Variants in SPINK5 observed in about 807,000 individuals in gnomAD.
SPINK5 encodes the protein serine protease inhibitor Kazal-type 5.
SPINK5 carries 125 observed loss-of-function variants against 151.8 expected under a neutral mutation model. That is an observed-to-expected ratio of 0.82 (90% confidence interval 0.71 to 0.96). SPINK5 has a LOEUF of 0.96. Among genes scored for constraint, SPINK5 ranks in the 40% least tolerant of loss-of-function variants. SPINK5 has a pLI of 0.00. For missense variants in SPINK5, 1,194 were observed against 1,291.9 expected (o/e 0.92, Z 1.16); for synonymous variants, 374 against 395.3 (o/e 0.95, Z 0.64).
At chr5:148,113,721 T>C (rs73271138) in intron 20 of SPINK5, among the ~76,000 whole-genome samples, 1,985 of 140,944 alleles carry the variant, frequency 0.014, 48 homozygotes, top group African/African-American at 0.05. Context: ...ACAGTTGTAT[T>C]GCACAGTTGT....
chr5:148,084,303 G>A (rs941549402), intron 4 of SPINK5, among the ~76,000 whole-genome samples: 5 of 151,194 alleles, frequency 3.3e-5, no homozygotes, highest in African/African-American at 1.2e-4. Context: ...AAAGAGATAA[G>A]ACCCAGTGCT....
intron 4 of SPINK5, among the ~76,000 whole-genome samples, chr5:148,075,971 T>C (rs115493289): frequency 0.014 from 2,196 of 151,890 alleles, 42 homozygotes; most frequent in African/African-American, 0.05. Context: ...CAGTCATAAT[T>C]GAAGCAAGTG....
At chr5:148,095,653 T>C (rs1753435361) in intron 9 of SPINK5, among the ~76,000 whole-genome samples, 165 bp from the exon 10 acceptor site, 1 of 151,916 alleles carries the variant, frequency 6.6e-6, no homozygotes, top group Non-Finnish European at 1.5e-5. Flanking sequence ...TGGAAGTAAA[T>C]GGTATAAAGG....
rs778058479 is a variant in SPINK5 at position 148,124,873 on chromosome 5, C to G, written c.2739+36C>G. 3.9e-6 allele frequency: 6 copies of G among 1,540,896 alleles called. No homozygotes were observed. The East Asian group carries it at 1.2e-4, about 30-fold the overall frequency. ...AAAGGATACCAAAATAACCATTTTA[C>G]TTTTCACCTTCAGAATTTTGCATTC... On this transcript the variant is annotated intron_variant, in intron 28 of 32. Coordinates refer to ENST00000256084, the MANE Select transcript of SPINK5 (RefSeq NM_006846.4).
Position 148,072,023 on chromosome 5 carries a change from T to A in SPINK5, c.210-125T>A, listed in dbSNP as rs564326959. The A allele has an allele frequency of 7.2e-6, 6 of 829,078 alleles. No homozygotes were observed. In the African/African-American group the frequency reaches 1.0e-4, roughly 14 times the overall value. 51.4% of individuals were successfully genotyped at this position (829,078 alleles called of 1,614,324 possible). ...GTTCTGTGTCCACTTCTGAACATGC[T>A]ACCAATTTTGACATGCCAGGCTAGG... On this transcript the variant is annotated intron_variant, in intron 3 of 32. Transcript: ENST00000256084.
chr5:148,091,505 G>A (rs1190709836), intron 8 of SPINK5, among the ~76,000 whole-genome samples: 2 of 151,720 alleles, frequency 1.3e-5, no homozygotes, highest in African/African-American at 4.8e-5. Context: ...TAGAAAGTTT[G>A]TATAAACCAA....
Position 148,099,314 on chromosome 5 carries a change from C to T in SPINK5, c.1091C>T (p.Ala364Val), listed in dbSNP as rs1273377657. 8 of 1,611,442 alleles carry T rather than the reference C, an allele frequency of 5.0e-6. No individual in the cohort carries two copies. Among genetic ancestry groups the T allele is most frequent in the Non-Finnish European group, 5.9e-6 (7 of 1,178,452 alleles). ...GAATCTGGAAAAGCAACCTCATATG[C>T]AGTGAGTGGAATCCATCCAATAAAT... ...KRESGKATSY[A>V]ELCSEYRKLV... Residue 364 changes from alanine to valine, a missense_variant and splice_region_variant, in exon 12 of 33, where the codon GCA becomes GTA. Coordinates refer to ENST00000256084, the MANE Select transcript of SPINK5 (RefSeq NM_006846.4).
Position 148,124,793 on chromosome 5 carries a change from A to G in SPINK5, c.2695A>G (p.Lys899Glu), listed in dbSNP as rs1412263020. ...TCGAGAAGCTAATGAAAGAAAAAAG[A>G]AAGATGAAGAGAAATCAAGTAGCAA... Reference protein sequence around the residue: ...FDREANERKKKDEEKSSSKPS... With the variant: ...FDREANERKKEDEEKSSSKPS... The change falls in exon 28 of 33, where the codon AAA (lysine) becomes GAA (glutamate). Residue 899 changes from lysine to glutamate, a missense_variant. By Grantham distance (56) the Lys-to-Glu change is moderately conservative. Coordinates refer to ENST00000256084, the MANE Select transcript of SPINK5 (RefSeq NM_006846.4). 1 of 1,608,420 alleles carries G rather than the reference A, an allele frequency of 6.2e-7. No individual in the cohort carries two copies.
rs543479765 is a variant in SPINK5, at chr5:148,131,003, G to T, written c.2965-256G>T. On this transcript the variant is annotated intron_variant, in intron 30 of 32. Transcript: ENST00000256084. ...GGTAATTGTGTCACATATTATAAAG[G>T]ATATTTGCTTTCTTATTGCTTTGCT... is the stretch of plus-strand genomic sequence containing the variant. 2.8e-4 allele frequency among the ~76,000 whole-genome samples: 42 copies of T among 152,192 alleles called. 1 individual carries two copies. Among genetic ancestry groups the T allele is most frequent in the Admixed American group, 2.7e-3 (42 of 15,280 alleles).
chr5:148,087,646 C>T (rs1243036190), intron 5 of SPINK5, among the ~76,000 whole-genome samples: 1 of 151,728 alleles, frequency 6.6e-6, no homozygotes, highest in East Asian at 1.9e-4. Flanking sequence ...TATGAGCATG[C>T]TATATATTTA....
At chr5:148,131,137 A>G (rs1754559149) in intron 30 of SPINK5, 122 bp from the exon 31 acceptor site, 1 of 1,304,550 alleles carries the variant, frequency 7.7e-7, no homozygotes, top group South Asian at 1.2e-5. Context: ...TGAATAACAT[A>G]TATCACACTC....
chr5:148,086,512 T>G lies in SPINK5; in HGVS notation c.390T>G (p.Cys130Trp). The change falls in exon 5 of 33, where the codon TGT becomes TGG. Residue 130 changes from cysteine to tryptophan, a missense_variant. Cys to Trp is a radical substitution (Grantham distance 215). Coordinates refer to ENST00000256084, the MANE Select transcript of SPINK5 (RefSeq NM_006846.4). ...GTDGKTYDNR[C>W]ALCAENAKTG... is the part of the protein sequence containing the mutation. ...ATGGGAAAACATATGACAACAGATGTGCACTGTGTGCTGAGAATGCGTGAG... is the reference window on the plus strand; with the variant it reads ...ATGGGAAAACATATGACAACAGATGGGCACTGTGTGCTGAGAATGCGTGAG... 1 of 1,611,640 alleles carries G rather than the reference T, an allele frequency of 6.2e-7. No homozygotes were observed. Among genetic ancestry groups the G allele is most frequent in the Non-Finnish European group, 8.5e-7 (1 of 1,178,590 alleles).
intron 2 of SPINK5, among the ~76,000 whole-genome samples, chr5:148,068,743 T>TA (rs886527689): frequency 4.0e-5 from 6 of 151,608 alleles, no homozygotes; most frequent in Non-Finnish European, 7.4e-5. Context: ...TGAAGCAGAT[T>TA]AAAAAAAATC....
intron 12 of SPINK5, 54 bp from the exon 13 acceptor site, chr5:148,100,400 C>T (rs1322217254): frequency 6.3e-7 from 1 of 1,577,740 alleles, no homozygotes; most frequent in African/African-American, 1.3e-5. Context: ...TTTGAACCTT[C>T]TGCTTTAAGT....
chr5:148,131,866 T>G (rs1303896328), intron 31 of SPINK5, among the ~76,000 whole-genome samples: 1 of 152,164 alleles, frequency 6.6e-6, no homozygotes. Flanking sequence ...AAAAGGAAAG[T>G]GCACTGTACA....
chr5:148,109,294 A>G (rs1753859811), intron 18 of SPINK5, among the ~76,000 whole-genome samples: 1 of 152,118 alleles, frequency 6.6e-6, no homozygotes, highest in South Asian at 2.1e-4. Flanking sequence ...AACATCTCAC[A>G]TGATGGTGAT....
intron 30 of SPINK5, among the ~76,000 whole-genome samples, 161 bp downstream of exon 30, chr5:148,127,240 T>C (rs546135892): frequency 2.3e-4 from 35 of 152,196 alleles, no homozygotes; most frequent in Non-Finnish European, 2.8e-4. Context: ...TTGGTGAGAG[T>C]TCTGGGATTT....
At chr5:148,104,135 T>C (rs1241818069) in intron 15 of SPINK5, among the ~76,000 whole-genome samples, 1 of 152,218 alleles carries the variant, frequency 6.6e-6, no homozygotes, top group Non-Finnish European at 1.5e-5. Flanking sequence ...TTGCTTTACA[T>C]GTAGCAACTC....
rs1472123994 is a variant in SPINK5 at position 148,101,841 on chromosome 5, A to G, written c.1363A>G (p.Asn455Asp). Residue 455 changes from asparagine to aspartate, a missense_variant, in exon 15 of 33, where the codon AAT becomes GAT. Physicochemically the swap from Asn to Asp is conservative, Grantham distance 23. Coordinates refer to ENST00000256084, the MANE Select transcript of SPINK5 (RefSeq NM_006846.4). ...CGGACGGCTTTTTTGCACCAGAGAG[A>G]ATGACCCCATCCAGGGCCCAGATGG... ...KNGRLFCTRE[N>D]DPIQGPDGKM... The G allele has an allele frequency of 1.9e-6, 3 of 1,613,722 alleles. No individual in the cohort carries two copies. Among genetic ancestry groups the G allele is most frequent in the African/African-American group, 2.7e-5 (2 of 74,878 alleles).
Sources: allele counts gnomAD v4.1 joint callset (sites outside exome capture counted in the v4.1 genomes callset), GRCh38; gene constraint gnomAD v4.1.1; transcripts MANE v1.5; gene names NCBI Gene and HGNC (gene_info 2026-07-23, HGNC 2026-07-21).